XYLT1: variants seen among roughly 807,000 people sequenced by gnomAD.
The protein encoded by XYLT1 is xylosyltransferase 1.
A neutral mutation model predicts 91.3 loss-of-function variants in XYLT1; 36 were observed. The observed-to-expected ratio is 0.39, with a 90% CI of 0.30 to 0.52. XYLT1 has a LOEUF of 0.52. XYLT1 is among the 20% of genes least tolerant of loss of function. The pLI is 0.68. For missense variants in XYLT1, 1,242 were observed against 1,284.5 expected (o/e 0.97, Z 0.51); for synonymous variants, 588 against 532.0 (o/e 1.11, Z -1.45).
At chr16:17,147,005 G>A (rs1490776798) in intron 6 of XYLT1, among the ~76,000 whole-genome samples, 2 of 152,112 alleles carry the variant, frequency 1.3e-5, no homozygotes, top group African/African-American at 2.4e-5. Context: ...TTCCCCCTTG[G>A]TAAAATACAA....
intron 2 of XYLT1, among the ~76,000 whole-genome samples, chr16:17,321,009 T>C (rs2034710400): frequency 6.6e-6 from 1 of 151,996 alleles, no homozygotes; most frequent in African/African-American, 2.4e-5. Context: ...TCCATGCAGG[T>C]TTCCCTGAGT....
At chr16:17,161,067 G>A (rs754854844) in intron 5 of XYLT1, among the ~76,000 whole-genome samples, 5 of 152,140 alleles carry the variant, frequency 3.3e-5, no homozygotes, top group Non-Finnish European at 5.9e-5. Context: ...TGAAGGGGCC[G>A]GGCCGGGGCT....
intron 11 of XYLT1, among the ~76,000 whole-genome samples, chr16:17,116,820 C>T (rs1243101733): frequency 3.9e-5 from 6 of 152,222 alleles, no homozygotes; most frequent in Non-Finnish European, 8.8e-5. Flanking sequence ...TTATCTGTCA[C>T]GCATTTCCCA....
chr16:17,107,766 T>A lies in XYLT1; in HGVS notation c.*929A>T, dbSNP rs765090271. On this transcript the variant is annotated 3_prime_UTR_variant, in exon 12 of 12. Coordinates refer to ENST00000261381, the MANE Select transcript of XYLT1 (RefSeq NM_022166.4). ...AGTTTCATCGCGTTGCCTTGTGAGT[T>A]TCATGGTCATGGCTGTCAAAGTTCC... 2 of 152,660 alleles carry A rather than the reference T, an allele frequency of 1.3e-5. No individual in the cohort carries two copies. The highest frequency in any genetic ancestry group is 2.9e-5 in the Non-Finnish European group (2 of 68,088). The allele number at this position is 152,660 out of a possible 1,614,324, so 9.5% of individuals were successfully genotyped here. A position where few individuals can be genotyped will look rare whatever the true frequency, so the allele number is the denominator to read the frequency against.
At chr16:17,392,346 C>T (rs1218524914) in intron 1 of XYLT1, among the ~76,000 whole-genome samples, 4 of 152,170 alleles carry the variant, frequency 2.6e-5, no homozygotes, top group Non-Finnish European at 5.9e-5. Flanking sequence ...CACATGGCTT[C>T]CTGGTCGTTG....
At chr16:17,187,108 C>T (rs1284639924) in intron 5 of XYLT1, among the ~76,000 whole-genome samples, 1 of 151,924 alleles carries the variant, frequency 6.6e-6, no homozygotes, top group East Asian at 1.9e-4. Context: ...GTAGAAGAAT[C>T]AGTCCAGGTG....
intron 6 of XYLT1, among the ~76,000 whole-genome samples, chr16:17,142,544 C>T (rs554782625): frequency 4.0e-5 from 6 of 150,396 alleles, no homozygotes; most frequent in African/African-American, 1.5e-4. Context: ...AGTGATTCTC[C>T]TGCCTCAGCC....
At chr16:17,235,686 T>C (rs2033236701) in intron 3 of XYLT1, among the ~76,000 whole-genome samples, 2 of 152,210 alleles carry the variant, frequency 1.3e-5, no homozygotes, top group African/African-American at 4.8e-5. Flanking sequence ...TCTCTTGATA[T>C]AGCTTTCTGG....
chr16:17,351,614 T>C (rs2035220722), intron 2 of XYLT1, among the ~76,000 whole-genome samples: 4 of 151,686 alleles, frequency 2.6e-5, no homozygotes. Flanking sequence ...TGTTTGAACA[T>C]AAACAAGAGA....
intron 1 of XYLT1, among the ~76,000 whole-genome samples, chr16:17,456,226 T>G (rs574203157): frequency 6.6e-6 from 1 of 151,742 alleles, no homozygotes; most frequent in South Asian, 2.1e-4. Context: ...TTACAGGCAA[T>G]AAGTCACTCT....
intron 2 of XYLT1, among the ~76,000 whole-genome samples, chr16:17,336,940 A>G (rs1273153040): frequency 6.6e-6 from 1 of 152,204 alleles, no homozygotes; most frequent in Non-Finnish European, 1.5e-5. Flanking sequence ...AAGCCCTTGG[A>G]AAAGAAAGGC....
chr16:17,432,947 G>A (rs2036409847), intron 1 of XYLT1, among the ~76,000 whole-genome samples: 1 of 152,152 alleles, frequency 6.6e-6, no homozygotes, highest in Non-Finnish European at 1.5e-5. Flanking sequence ...TCTGTGGTCA[G>A]AGCATCACTC....
At chr16:17,314,743 AATTATG>A (rs1377184767) in intron 2 of XYLT1, among the ~76,000 whole-genome samples, 1 of 152,234 alleles carries the variant, frequency 6.6e-6, no homozygotes. Context: ...CTAACAGAAT[AATTATG>A]ATTAACATTA....
chr16:17,274,216 A>T (rs950712654), intron 2 of XYLT1, among the ~76,000 whole-genome samples: 1 of 152,106 alleles, frequency 6.6e-6, no homozygotes, highest in Non-Finnish European at 1.5e-5. Context: ...AATAAAACAT[A>T]TTATCTGTTT....
intron 3 of XYLT1, among the ~76,000 whole-genome samples, chr16:17,222,190 A>T (rs187485004): frequency 6.6e-6 from 1 of 152,318 alleles, no homozygotes; most frequent in Non-Finnish European, 1.5e-5. Context: ...TCCTAGAGGA[A>T]CATTTATATT....
At chr16:17,293,126 T>C (rs1353002691) in intron 2 of XYLT1, among the ~76,000 whole-genome samples, 2 of 152,170 alleles carry the variant, frequency 1.3e-5, no homozygotes, top group Admixed American at 6.5e-5. Context: ...AGACTTTTAC[T>C]GGAACTCTGT....
chr16:17,403,893 G>A (rs1161475260), intron 1 of XYLT1, among the ~76,000 whole-genome samples: 2 of 152,204 alleles, frequency 1.3e-5, no homozygotes, highest in African/African-American at 2.4e-5. Flanking sequence ...AGGGCTAGAA[G>A]AGCAGCTTGA....
chr16:17,213,264 G>GT (rs1275221554), intron 3 of XYLT1, among the ~76,000 whole-genome samples: 2 of 152,142 alleles, frequency 1.3e-5, no homozygotes, highest in African/African-American at 4.8e-5. Context: ...CACCACAATT[G>GT]TAAGTTTCCT....
At chr16:17,257,615 C>A (rs1274021589) in intron 3 of XYLT1, among the ~76,000 whole-genome samples, 2 of 152,106 alleles carry the variant, frequency 1.3e-5, no homozygotes, top group East Asian at 3.8e-4. Context: ...GACCACGAGT[C>A]AATAAACAGC....
Sources: allele counts gnomAD v4.1 joint callset (sites outside exome capture counted in the v4.1 genomes callset), GRCh38; gene constraint gnomAD v4.1.1; transcripts MANE v1.5; gene names NCBI Gene and HGNC (gene_info 2026-07-23, HGNC 2026-07-21).